DLGAP1: variants seen among roughly 807,000 people sequenced by gnomAD.
DLGAP1 encodes DLG associated protein 1.
DLGAP1 carries 11 observed loss-of-function variants against 90.8 expected under a neutral mutation model. The ratio of observed to expected loss-of-function variants is 0.12; its 90% CI spans 0.08 to 0.20. The LOEUF is 0.20. Ranked by LOEUF, DLGAP1 falls within the 10% of genes least tolerant of loss-of-function variation. The pLI, the probability that DLGAP1 is intolerant of heterozygous loss-of-function variation, is 1.00. For synonymous variants in DLGAP1, 558 were observed against 540.7 expected (o/e 1.03, Z -0.44); for missense variants, 1,050 against 1,333.8 (o/e 0.79, Z 3.31).
At chr18:3,764,299 C>T (rs538410265) in intron 5 of DLGAP1, among the ~76,000 whole-genome samples, 82 of 152,304 alleles carry the variant, frequency 5.4e-4, no homozygotes, top group African/African-American at 1.7e-3. Context: ...CTTACTCAAA[C>T]GCTAGCAAAT....
intron 1 of DLGAP1, among the ~76,000 whole-genome samples, chr18:4,358,113 A>C (rs946843861): frequency 1.3e-5 from 2 of 152,254 alleles, no homozygotes; most frequent in Non-Finnish European, 2.9e-5. Flanking sequence ...TGTTCTAGAC[A>C]CTGGAGATAA....
intron 3 of DLGAP1, among the ~76,000 whole-genome samples, chr18:3,916,937 C>G (rs1181258271): frequency 6.6e-6 from 1 of 152,158 alleles, no homozygotes; most frequent in Non-Finnish European, 1.5e-5. Context: ...TTTGACTTTA[C>G]GATGGTGCAA....
At chr18:3,659,068 A>AC (rs147828607) in intron 7 of DLGAP1, among the ~76,000 whole-genome samples, 257 of 152,184 alleles carry the variant, frequency 1.7e-3, no homozygotes, top group African/African-American at 5.7e-3. Flanking sequence ...ATATTTTTAA[A>AC]CCCCAAGTCA....
intron 2 of DLGAP1, among the ~76,000 whole-genome samples, chr18:4,027,806 C>T (rs1030235275): frequency 2.6e-5 from 4 of 152,146 alleles, no homozygotes; most frequent in African/African-American, 9.7e-5. Context: ...ATTATGGTGA[C>T]TCAGATAATT....
In DLGAP1 at chr18:3,508,469, G is replaced by C. The variant is rs377178080; in HGVS notation, c.2571+101C>G. On this transcript the variant is annotated intron_variant, in intron 11 of 12. Coordinates refer to ENST00000315677, the MANE Select transcript of DLGAP1 (RefSeq NM_004746.4). ...CAAGTGAGAGACTCCAATGGACCTTGACTTGGTTCAAAATCAGTTTTACTT... is the reference window on the plus strand; with the variant it reads ...CAAGTGAGAGACTCCAATGGACCTTCACTTGGTTCAAAATCAGTTTTACTT... The C allele has an allele frequency of 4.6e-4, 317 of 695,880 alleles. 1 individual carries two copies. In the African/African-American group the frequency reaches 5.4e-3, roughly 12 times the overall value. The allele number at this position is 695,880 out of a possible 1,614,324, so 43.1% of individuals were successfully genotyped here. A position where few individuals can be genotyped will look rare whatever the true frequency, so the allele number is the denominator to read the frequency against.
intron 1 of DLGAP1, among the ~76,000 whole-genome samples, chr18:4,396,412 T>A (rs2082441925): frequency 6.6e-6 from 1 of 152,004 alleles, no homozygotes; most frequent in Non-Finnish European, 1.5e-5. Context: ...GGACCCAGAG[T>A]TTATCCAAAA....
chr18:3,553,901 T>C (rs544027117), intron 9 of DLGAP1, among the ~76,000 whole-genome samples: 2 of 152,344 alleles, frequency 1.3e-5, no homozygotes, highest in Middle Eastern at 3.4e-3. Flanking sequence ...TGTTAAGATA[T>C]GTTTTCTTCC....
At chr18:3,883,403 T>C (rs569415476) in intron 3 of DLGAP1, among the ~76,000 whole-genome samples, 1 of 152,364 alleles carries the variant, frequency 6.6e-6, no homozygotes, top group Admixed American at 6.5e-5. Flanking sequence ...ATCCATGCTT[T>C]GTGAAGCTCC....
At chr18:4,292,384 T>G (rs532283893) in intron 1 of DLGAP1, among the ~76,000 whole-genome samples, 2 of 152,010 alleles carry the variant, frequency 1.3e-5, no homozygotes, top group East Asian at 3.8e-4. Context: ...GCTACCAAGT[T>G]TTTTTTTCAT....
chr18:4,189,593 C>A (rs745888482), intron 1 of DLGAP1, among the ~76,000 whole-genome samples: 6 of 152,036 alleles, frequency 3.9e-5, no homozygotes, highest in Non-Finnish European at 7.4e-5. Flanking sequence ...TAGAAAATTA[C>A]TATACAGATA....
chr18:4,138,647 C>T (rs570106452), intron 2 of DLGAP1, among the ~76,000 whole-genome samples: 29 of 152,058 alleles, frequency 1.9e-4, no homozygotes, highest in South Asian at 1.0e-3. Flanking sequence ...TAATACTGGC[C>T]TTGTAGAATG....
At position 3,778,868 on chromosome 18, in the gene DLGAP1, G is replaced by A. The variant is rs757827338; in HGVS notation, c.1172+35191C>T. On this transcript the variant is annotated intron_variant, in intron 5 of 12. Transcript: ENST00000315677. ...TGCCCTGGAGACATAGCGTGGCTCA[G>A]GGTCCTCTCTCCTTGGCCCCAGCCA... Among the ~76,000 whole-genome samples, 97 of 152,314 alleles carry A rather than the reference G, an allele frequency of 6.4e-4. 1 individual carries two copies. The highest frequency in any genetic ancestry group is 3.4e-3 in the Middle Eastern group (1 of 294).
intron 4 of DLGAP1, among the ~76,000 whole-genome samples, chr18:3,862,324 T>C (rs570936340): frequency 2.0e-5 from 3 of 152,346 alleles, no homozygotes; most frequent in African/African-American, 7.2e-5. Context: ...ATATTGCTCC[T>C]AGAGGTGTCA....
chr18:3,858,285 GT>G (rs2069776576), intron 4 of DLGAP1, among the ~76,000 whole-genome samples: 3 of 151,916 alleles, frequency 2.0e-5, no homozygotes, highest in African/African-American at 7.3e-5. Flanking sequence ...CTTAAAACAT[GT>G]TTTTTCCTAT....
At chr18:3,817,437 G>C (rs1285165890) in intron 4 of DLGAP1, among the ~76,000 whole-genome samples, 2 of 152,166 alleles carry the variant, frequency 1.3e-5, no homozygotes, top group Non-Finnish European at 2.9e-5. Flanking sequence ...ACTTCCATTG[G>C]AGTGGAATTT....
chr18:4,202,056 A>C (rs1298199385), intron 1 of DLGAP1, among the ~76,000 whole-genome samples: 4 of 152,086 alleles, frequency 2.6e-5, no homozygotes, highest in Non-Finnish European at 4.4e-5. Flanking sequence ...ATAATTGCAA[A>C]AATATGAAAT....
chr18:3,692,172 G>A (rs868724371), intron 7 of DLGAP1, among the ~76,000 whole-genome samples: 4 of 152,122 alleles, frequency 2.6e-5, no homozygotes, highest in Admixed American at 6.5e-5. Context: ...ATTCCTGGCC[G>A]CTGGTGAGCT....
intron 5 of DLGAP1, chr18:3,771,474 G>A (rs2064538839): frequency 6.6e-6 from 1 of 152,382 alleles, no homozygotes. Flanking sequence ...CGGCCCGGGG[G>A]CGGGTGGCGG....
intron 1 of DLGAP1, among the ~76,000 whole-genome samples, chr18:4,183,244 T>A (rs2077237946): frequency 6.6e-6 from 1 of 152,136 alleles, no homozygotes; most frequent in East Asian, 1.9e-4. Flanking sequence ...AGGCAAACCA[T>A]TTTCCCTAAT....
Sources: allele counts gnomAD v4.1 joint callset (sites outside exome capture counted in the v4.1 genomes callset), GRCh38; gene constraint gnomAD v4.1.1; transcripts MANE v1.5; gene names NCBI Gene and HGNC (gene_info 2026-07-23, HGNC 2026-07-21).